SIPA1L3: variants seen among roughly 807,000 people sequenced by gnomAD.
SIPA1L3 encodes the protein signal-induced proliferation-associated 1-like protein 3.
SIPA1L3 carries 59 observed loss-of-function variants against 150.1 expected under a neutral mutation model. The observed-to-expected ratio is 0.39, with a 90% CI of 0.32 to 0.49. The LOEUF (loss-of-function observed/expected upper bound fraction) is 0.49, where lower values mean the gene tolerates loss of function less well. Among genes scored for constraint, SIPA1L3 ranks in the 20% least tolerant of loss-of-function variants. SIPA1L3 has a pLI of 0.86. For synonymous variants in SIPA1L3, 1,070 were observed against 1,077.6 expected (o/e 0.99, Z 0.14); for missense variants, 2,211 against 2,489.5 (o/e 0.89, Z 2.38).
intron 1 of SIPA1L3, among the ~76,000 whole-genome samples, chr19:38,019,568 G>T (rs1434814583): frequency 1.3e-5 from 2 of 152,218 alleles, no homozygotes; most frequent in African/African-American, 4.8e-5. Context: ...AGAGAAGAAT[G>T]GCTGCTGGGT....
intron 1 of SIPA1L3, among the ~76,000 whole-genome samples, chr19:37,960,868 AT>A (rs1310702316): frequency 2.0e-5 from 3 of 150,620 alleles, no homozygotes; most frequent in South Asian, 2.1e-4. Context: ...TTAAAAAAAA[AT>A]ATATTTTTTT....
chr19:37,935,526 G>A (rs772941681), intron 1 of SIPA1L3, among the ~76,000 whole-genome samples: 5 of 152,196 alleles, frequency 3.3e-5, no homozygotes, highest in Non-Finnish European at 7.3e-5. Flanking sequence ...CTTATTTCTT[G>A]TGAACCTGTG....
chr19:38,193,852 G>T lies in SIPA1L3; in HGVS notation c.4840+72G>T. 3 of 1,438,514 alleles carry T rather than the reference G, an allele frequency of 2.1e-6. No individual in the cohort carries two copies. The South Asian group carries it at 4.3e-5, about 21-fold the overall frequency. 89.1% of individuals were successfully genotyped at this position (1,438,514 alleles called of 1,614,324 possible). A position where few individuals can be genotyped will look rare whatever the true frequency, so the allele number is the denominator to read the frequency against. On this transcript the variant is annotated intron_variant, in intron 18 of 21. Transcript: ENST00000222345. ...GGGAGGTGGGGATGCCCGAGCAGGG[G>T]CTCACCTGGAGGTCAAAGGCTAGAG...
At chr19:38,163,351 G>C (rs1161107000) in intron 14 of SIPA1L3, among the ~76,000 whole-genome samples, 1 of 152,070 alleles carries the variant, frequency 6.6e-6, no homozygotes, top group East Asian at 1.9e-4. Flanking sequence ...TTAGCCAGGC[G>C]TGGTGGCAGG....
At chr19:38,038,787 C>T (rs1213296696) in intron 2 of SIPA1L3, among the ~76,000 whole-genome samples, 1 of 152,164 alleles carries the variant, frequency 6.6e-6, no homozygotes, top group East Asian at 1.9e-4. Flanking sequence ...TTTAAGAAAT[C>T]CCAAGGCCTG....
At chr19:38,124,875 G>A (rs928451889) in intron 9 of SIPA1L3, among the ~76,000 whole-genome samples, 356 of 152,266 alleles carry the variant, frequency 2.3e-3, no homozygotes, top group African/African-American at 7.6e-3. Context: ...GGCGGCGCGC[G>A]CCTGCAATCG....
chr19:38,205,315 G>A lies in SIPA1L3; in HGVS notation c.5203-782G>A, dbSNP rs542113033. On this transcript the variant is annotated intron_variant, in intron 21 of 21. Coordinates refer to ENST00000222345, the MANE Select transcript of SIPA1L3 (RefSeq NM_015073.3). ...TCTCTACTAAAATACAAAATTAGCC[G>A]GGTGTGGTGGTGCACGCCTGTAATC... Among the ~76,000 whole-genome samples, 765 of 151,914 alleles carry A rather than the reference G, an allele frequency of 5.0e-3. 2 individuals carry two copies. Among genetic ancestry groups the A allele is most frequent in the Non-Finnish European group, 9.1e-3 (618 of 67,968 alleles).
intron 7 of SIPA1L3, among the ~76,000 whole-genome samples, chr19:38,107,726 C>T (rs987078312): frequency 6.6e-6 from 1 of 152,222 alleles, no homozygotes; most frequent in Admixed American, 6.5e-5. Context: ...CCTGTGATCC[C>T]AGCACTTTGG....
intron 9 of SIPA1L3, among the ~76,000 whole-genome samples, chr19:38,126,622 C>T (rs1489918771): frequency 1.3e-5 from 2 of 151,786 alleles, no homozygotes; most frequent in Non-Finnish European, 2.9e-5. Context: ...CTGCAACCTC[C>T]GCCTCCCCGG....
chr19:38,182,137 A>AAAAAAAAAG (rs1274082418), intron 15 of SIPA1L3, among the ~76,000 whole-genome samples: 1 of 21,280 alleles, frequency 4.7e-5, no homozygotes, highest in African/African-American at 2.7e-4. Context: ...ACCCTGTCTC[A>AAAAAAAAAG]AAAAAAAAAA....
At chr19:38,204,412 G>A (rs1600213916) in intron 21 of SIPA1L3, among the ~76,000 whole-genome samples, 1 of 152,186 alleles carries the variant, frequency 6.6e-6, no homozygotes, top group Non-Finnish European at 1.5e-5. Flanking sequence ...ATTCTTGGGG[G>A]GAGAATAATC....
chr19:38,084,730 C>A (rs1600040576), intron 3 of SIPA1L3, among the ~76,000 whole-genome samples: 1 of 150,230 alleles, frequency 6.7e-6, no homozygotes, highest in Non-Finnish European at 1.5e-5. Flanking sequence ...GCCTCTGCCT[C>A]CTGGGTTCAC....
At chr19:37,987,434 C>A (rs1203034948) in intron 1 of SIPA1L3, among the ~76,000 whole-genome samples, 2 of 152,122 alleles carry the variant, frequency 1.3e-5, no homozygotes, top group African/African-American at 2.4e-5. Flanking sequence ...GTTTGTGAAC[C>A]CTGACGCTGT....
At chr19:38,038,090 A>C (rs1245439717) in intron 2 of SIPA1L3, among the ~76,000 whole-genome samples, 1 of 152,100 alleles carries the variant, frequency 6.6e-6, no homozygotes, top group Non-Finnish European at 1.5e-5. Context: ...AGCCAGTGTG[A>C]GAGTAAGGAG....
intron 1 of SIPA1L3, among the ~76,000 whole-genome samples, chr19:38,026,885 G>A (rs1056656886): frequency 3.3e-5 from 5 of 152,066 alleles, no homozygotes; most frequent in Non-Finnish European, 7.4e-5. Flanking sequence ...TAGAAATCAC[G>A]GATATTCTCA....
chr19:37,957,522 T>A (rs907304753), intron 1 of SIPA1L3, among the ~76,000 whole-genome samples: 6 of 152,264 alleles, frequency 3.9e-5, no homozygotes, highest in Middle Eastern at 3.4e-3. Context: ...GTATTTTTTT[T>A]ATGCTATTGT....
chr19:38,103,087 C>T (rs1182634403), intron 6 of SIPA1L3, among the ~76,000 whole-genome samples: 1 of 150,874 alleles, frequency 6.6e-6, no homozygotes, highest in African/African-American at 2.4e-5. Flanking sequence ...CGCACCATTG[C>T]ACTCCAGCCT....
At chr19:37,980,279 C>T (rs576707723) in intron 1 of SIPA1L3, among the ~76,000 whole-genome samples, 5 of 152,228 alleles carry the variant, frequency 3.3e-5, no homozygotes, top group African/African-American at 7.2e-5. Flanking sequence ...CTTGGGTATC[C>T]GTCTAAGGTA....
At chr19:37,935,101 T>C (rs531872815) in intron 1 of SIPA1L3, among the ~76,000 whole-genome samples, 8 of 152,314 alleles carry the variant, frequency 5.3e-5, no homozygotes, top group African/African-American at 1.9e-4. Context: ...AGTAGTGCAA[T>C]GATGCCTCTC....
Sources: allele counts gnomAD v4.1 joint callset (sites outside exome capture counted in the v4.1 genomes callset), GRCh38; gene constraint gnomAD v4.1.1; transcripts MANE v1.5; gene names NCBI Gene and HGNC (gene_info 2026-07-23, HGNC 2026-07-21).